Variants in DHRS12 observed in about 807,000 individuals in gnomAD.
DHRS12 encodes dehydrogenase/reductase SDR family member 12.
DHRS12 carries 29 observed loss-of-function variants against 32.1 expected under a neutral mutation model. The ratio of observed to expected loss-of-function variants is 0.90; its 90% CI spans 0.67 to 1.23. DHRS12 has a LOEUF of 1.23. Ranked by LOEUF, DHRS12 falls within the 50% of genes most tolerant of loss-of-function variation. DHRS12 has a pLI of 0.00. For synonymous variants in DHRS12, 150 were observed against 135.9 expected, an observed-to-expected ratio of 1.10 and a Z score of -0.72; for missense variants, 330 against 337.2, an observed-to-expected ratio of 0.98 and a Z score of 0.17.
At chr13:51,762,268 G>C in the DHRS12 span, 1 of 152,184 alleles carries the variant, frequency 6.6e-6, no homozygotes, top group East Asian at 1.9e-4. Context: ...GACCTCATTC[G>C]GGAAGCAGAG....
chr13:51,799,726 G>A (rs772727421), intron 1 of DHRS12, 59 bp from the exon 2 acceptor site: 6 of 1,580,516 alleles, frequency 3.8e-6, no homozygotes, highest in Admixed American at 1.7e-5. Context: ...ACAAACCCCT[G>A]CAGGAGAAAG....
At position 51,799,514 on chromosome 13, in the gene DHRS12, A is replaced by C. The variant is rs772742507; in HGVS notation, c.126+20T>G. 41 of 1,612,364 alleles carry C rather than the reference A, an allele frequency of 2.5e-5. No individual in the cohort carries two copies. Among genetic ancestry groups the C allele is most frequent in the Non-Finnish European group, 3.5e-5 (41 of 1,179,646 alleles). ...TCTGGCCGTGGGGCTCAGTGGACAC[A>C]CGTGTTAGCAGCTGCTTACCTCGCT... On this transcript the variant is annotated intron_variant, in intron 2 of 8. Coordinates refer to ENST00000444610, the MANE Select transcript of DHRS12 (RefSeq NM_001377533.1).
chr13:51,766,858 G>T (rs1432173674), downstream of DHRS12: 1 of 152,286 alleles, frequency 6.6e-6, no homozygotes, highest in Non-Finnish European at 1.5e-5. Context: ...TTGCTGTGCT[G>T]TTTAGCCCTG....
chr13:51,769,323 G>A, intron 7 of DHRS12, 30 bp from the exon 8 acceptor site: 1 of 1,462,520 alleles, frequency 6.8e-7, no homozygotes. Flanking sequence ...GGCGGATTAG[G>A]ACAGCATTCT....
At chr13:51,777,429 C>G in intron 4 of DHRS12, 1 of 396,628 alleles carries the variant, frequency 2.5e-6, no homozygotes, top group Non-Finnish European at 4.6e-6. Context: ...AAAAATGCAT[C>G]TATATGTCCA....
At chr13:51,759,923 AC>A in the DHRS12 span, 1 of 728,836 alleles carries the variant, frequency 1.4e-6, no homozygotes, top group Non-Finnish European at 2.3e-6. Context: ...CACAGTGGGG[AC>A]CTGGCCAGTG....
At position 51,773,991 on chromosome 13, in the gene DHRS12, G is replaced by T; in HGVS notation, c.407C>A (p.Thr136Asn). The T allele has an allele frequency of 6.2e-7, 1 of 1,613,966 alleles. No homozygotes were observed. Among genetic ancestry groups the T allele is most frequent in the Non-Finnish European group, 8.5e-7 (1 of 1,179,932 alleles). The stretch of plus-strand genomic sequence containing the variant: ...TGTTCTTTCGGACTGGAGATCATTG[G>T]TGTTCAGTTTCTGAACCAACATTCC... ...SGGMLVQKLN[T>N]NDLQSERTPF... Residue 136 changes from threonine to asparagine, a missense_variant, in exon 6 of 9, where the codon ACC (threonine) becomes AAC (asparagine). Coordinates refer to ENST00000444610, the MANE Select transcript of DHRS12 (RefSeq NM_001377533.1).
intron 2 of DHRS12, among the ~76,000 whole-genome samples, chr13:51,792,197 C>T (rs551274824): frequency 1.6e-4 from 25 of 152,260 alleles, no homozygotes; most frequent in African/African-American, 5.5e-4. Flanking sequence ...AGAGGCTGCA[C>T]CATTTTGCAT....
At chr13:51,788,301 G>T (rs567068638) in intron 4 of DHRS12, among the ~76,000 whole-genome samples, 16 of 152,134 alleles carry the variant, frequency 1.1e-4, no homozygotes, top group African/African-American at 3.4e-4. Flanking sequence ...CCACATTTTG[G>T]TACTTTTGGT....
intron 7 of DHRS12, among the ~76,000 whole-genome samples, chr13:51,770,476 G>C (rs979753266): frequency 2.0e-5 from 3 of 152,216 alleles, no homozygotes; most frequent in African/African-American, 7.2e-5. Flanking sequence ...AAGAGGCTGG[G>C]GGCCCCCCAT....
intron 4 of DHRS12, among the ~76,000 whole-genome samples, chr13:51,788,883 T>C (rs1955125554): frequency 6.6e-6 from 1 of 151,758 alleles, no homozygotes. Context: ...GTAAATTTAG[T>C]AAATTTGGGG....
chr13:51,755,484 A>G, the DHRS12 span: 2 of 1,600,942 alleles, frequency 1.2e-6, no homozygotes, highest in Non-Finnish European at 1.7e-6. Flanking sequence ...TGCTTCATCA[A>G]AATGTAATTA....
At chr13:51,786,312 A>T (rs761440758) in intron 4 of DHRS12, among the ~76,000 whole-genome samples, 3 of 152,188 alleles carry the variant, frequency 2.0e-5, no homozygotes, top group Non-Finnish European at 4.4e-5. Flanking sequence ...TGAGAGTTTT[A>T]ATCTGCTAAC....
chr13:51,797,255 T>C (rs146586721), intron 2 of DHRS12, among the ~76,000 whole-genome samples: 5 of 152,360 alleles, frequency 3.3e-5, no homozygotes, highest in Non-Finnish European at 7.3e-5. Flanking sequence ...CTGCCTTTGT[T>C]GTGTAGAAAT....
intron 2 of DHRS12, among the ~76,000 whole-genome samples, chr13:51,796,495 G>A (rs1220219714): frequency 6.6e-6 from 1 of 152,216 alleles, no homozygotes; most frequent in Non-Finnish European, 1.5e-5. Flanking sequence ...TTTCTCCCCA[G>A]TGCAGGAACA....
chr13:51,755,867 T>G, the DHRS12 span, among the ~76,000 whole-genome samples: 1 of 152,218 alleles, frequency 6.6e-6, no homozygotes, highest in African/African-American at 2.4e-5. Context: ...TCAATCTGAT[T>G]CCATGGTTCT....
At chr13:51,799,482 GCCGCAGTCTGGCCGT>G in intron 2 of DHRS12, 37 bp downstream of exon 2, 1 of 1,606,022 alleles carries the variant, frequency 6.2e-7, no homozygotes, top group Non-Finnish European at 8.5e-7. Context: ...GTGTGGACCG[GCCGCAGTCTGGCCGT>G]GGGGCTCAGT....
intron 2 of DHRS12, chr13:51,797,839 T>C: frequency 1.3e-6 from 2 of 1,535,366 alleles, no homozygotes; most frequent in Non-Finnish European, 1.7e-6. Context: ...GTTACCGCTC[T>C]CCCGGATGAT....
chr13:51,769,377 A>T, intron 7 of DHRS12, 84 bp from the exon 8 acceptor site: 1 of 1,059,424 alleles, frequency 9.4e-7, no homozygotes, highest in Non-Finnish European at 1.3e-6. Context: ...AAAAAAAAAA[A>T]GTGCAAAAAT....
Sources: allele counts gnomAD v4.1 joint callset (sites outside exome capture counted in the v4.1 genomes callset), GRCh38; gene constraint gnomAD v4.1.1; transcripts MANE v1.5; gene names NCBI Gene and HGNC (gene_info 2026-07-23, HGNC 2026-07-21).